SLC5A12: variants seen among roughly 807,000 people sequenced by gnomAD.
SLC5A12 encodes the protein solute carrier family 5 member 12, also known as sodium-coupled monocarboxylate transporter 2.
SLC5A12 carries 46 observed loss-of-function variants against 72.7 expected under a neutral mutation model. That is an observed-to-expected ratio of 0.63 (90% CI 0.50 to 0.81). The LOEUF is 0.81. Among genes scored for constraint, SLC5A12 ranks in the 30% least tolerant of loss-of-function variants. The probability of loss-of-function intolerance (pLI) is 0.00; values close to 1 mark genes in which losing one functional copy is unlikely to be tolerated. For synonymous variants in SLC5A12, 275 were observed against 264.4 expected, an observed-to-expected ratio of 1.04 and a Z score of -0.39; for missense variants, 683 against 740.7, an observed-to-expected ratio of 0.92 and a Z score of 0.90.
Position 26,671,066 on chromosome 11 carries a change from T to TG in SLC5A12, c.*35_*36insC. ...TGGAGTTTGTGTGTGTGTGTGTGTA[T>TG]TGCACGTGTGTGTGTGCATTCATAC... On this transcript the variant is annotated 3_prime_UTR_variant, in exon 15 of 15. Transcript: ENST00000396005. The TG allele has an allele frequency of 6.4e-7, 1 of 1,561,590 alleles. No homozygotes were observed. The highest frequency in any genetic ancestry group is 2.3e-5 in the East Asian group (1 of 43,720).
intron 14 of SLC5A12, among the ~76,000 whole-genome samples, chr11:26,673,092 A>G (rs1002591723): frequency 1.3e-5 from 2 of 152,100 alleles, no homozygotes; most frequent in Non-Finnish European, 2.9e-5. Flanking sequence ...ATGTGTCTTC[A>G]ATTTGTTCCT....
intron 7 of SLC5A12, among the ~76,000 whole-genome samples, chr11:26,697,549 G>A (rs952626004): frequency 6.6e-6 from 1 of 152,126 alleles, no homozygotes. Flanking sequence ...TGGCAGAGGA[G>A]CCCCTCTTTG....
At position 26,705,978 on chromosome 11, in the gene SLC5A12, A is replaced by ACACT. The variant is rs1491233670; in HGVS notation, c.526-2032_526-2031insAGTG. On this transcript the variant is annotated intron_variant, in intron 4 of 14. Transcript: ENST00000396005. Reference sequence around the variant, plus strand: ...CACACACACACACACACACACACACACTTACCTTCTTTAATACTGAGGGTA... The same window carrying ACACT: ...CACACACACACACACACACACACACACACTCTTACCTTCTTTAATACTGAGGGTA... Among the ~76,000 whole-genome samples, 82 of 138,178 alleles carry ACACT rather than the reference A, an allele frequency of 5.9e-4. 1 individual carries two copies. The highest frequency in any genetic ancestry group is 1.2e-3 in the Non-Finnish European group (74 of 63,536). 90.7% of individuals were successfully genotyped at this position (138,178 alleles called of 152,430 possible).
rs1854128245 is a variant in SLC5A12 at position 26,671,063 on chromosome 11, G to GTGTGTGTGTGTGTA, written c.*38_*39insTACACACACACACA. 3 of 1,548,536 alleles carry GTGTGTGTGTGTGTA rather than the reference G, an allele frequency of 1.9e-6. No homozygotes were observed. The highest frequency in any genetic ancestry group is 1.8e-5 in the Admixed American group (1 of 56,006). On this transcript the variant is annotated 3_prime_UTR_variant, in exon 15 of 15. Coordinates refer to ENST00000396005, the MANE Select transcript of SLC5A12 (RefSeq NM_178498.4). ...ATGTGGAGTTTGTGTGTGTGTGTGT[G>GTGTGTGTGTGTGTA]TATTGCACGTGTGTGTGTGCATTCA...
At chr11:26,712,170 G>C (rs111781126) in intron 2 of SLC5A12, among the ~76,000 whole-genome samples, 3 of 152,010 alleles carry the variant, frequency 2.0e-5, no homozygotes, top group South Asian at 2.1e-4. Context: ...CAAAGCTGGG[G>C]GGGTGGGAAA....
chr11:26,698,396 A>T lies in SLC5A12; in HGVS notation c.951+10T>A, dbSNP rs941461907. 5.6e-6 allele frequency: 9 copies of T among 1,612,568 alleles called. No homozygotes were observed. The highest frequency in any genetic ancestry group is 7.6e-6 in the Non-Finnish European group (9 of 1,179,480). ...CAGACACTCGCCACTGTCCTCAAGA[A>T]AACCCATACCTGGTCTGGTGCTGAG... On this transcript the variant is annotated intron_variant, in intron 7 of 14. Transcript: ENST00000396005.
intron 11 of SLC5A12, 89 bp from the exon 12 acceptor site, chr11:26,681,310 T>C: frequency 1.8e-6 from 2 of 1,132,588 alleles, no homozygotes; most frequent in South Asian, 2.3e-5. Flanking sequence ...GCCTTAGAGA[T>C]TCTGGCTTTC....
chr11:26,711,350 G>A lies in SLC5A12; in HGVS notation c.414C>T (p.Tyr138=). The change falls in exon 3 of 15, where the codon TAC becomes TAT. Residue 138 remains tyrosine (Y), a synonymous_variant. Transcript: ENST00000396005. Reference sequence around the variant, plus strand: ...CAGGAGCATACACCACCACTCCTGTGTAGAGAATCTGGTAGAGAAACAAGA... The same window carrying A: ...CAGGAGCATACACCACCACTCCTGTATAGAGAATCTGGTAGAGAAACAAGA... ...TVIYIVQTIL[Y]TGVVVYAPAL... 6.2e-7 allele frequency: 1 copy of A among 1,611,466 alleles called. No homozygotes were observed. Among genetic ancestry groups the A allele is most frequent in the Non-Finnish European group, 8.5e-7 (1 of 1,178,304 alleles).
At chr11:26,685,949 G>T (rs1206387640) in intron 10 of SLC5A12, among the ~76,000 whole-genome samples, 1 of 152,142 alleles carries the variant, frequency 6.6e-6, no homozygotes, top group Admixed American at 6.5e-5. Context: ...AGATATCCCA[G>T]TTCTACCACT....
intron 8 of SLC5A12, among the ~76,000 whole-genome samples, chr11:26,695,813 T>G (rs1199003352): frequency 6.6e-6 from 1 of 152,174 alleles, no homozygotes; most frequent in Non-Finnish European, 1.5e-5. Context: ...CTTGTTGTGA[T>G]CTGATCCTTG....
chr11:26,699,667 T>C (rs1854912184), intron 6 of SLC5A12, among the ~76,000 whole-genome samples: 1 of 152,194 alleles, frequency 6.6e-6, no homozygotes, highest in African/African-American at 2.4e-5. Flanking sequence ...ACTCTTGCTG[T>C]CTCCAACCTT....
At chr11:26,715,363 G>A (rs967010257) in intron 1 of SLC5A12, among the ~76,000 whole-genome samples, 2 of 152,080 alleles carry the variant, frequency 1.3e-5, no homozygotes, top group Non-Finnish European at 2.9e-5. Flanking sequence ...GTTATCATTG[G>A]CACTCAGCCA....
chr11:26,691,450 G>A (rs1386668863), intron 9 of SLC5A12, among the ~76,000 whole-genome samples: 1 of 146,168 alleles, frequency 6.8e-6, no homozygotes, highest in Non-Finnish European at 1.5e-5. Context: ...TGCAGTCGAA[G>A]GTTTATGTAC....
chr11:26,714,155 C>A lies in SLC5A12; in HGVS notation c.340-1449G>T, dbSNP rs112907196. Among the ~76,000 whole-genome samples the A allele has an allele frequency of 1.4e-3, 215 of 151,980 alleles. 2 individuals carry two copies. Among genetic ancestry groups the A allele is most frequent in the African/African-American group, 4.9e-3 (202 of 41,516 alleles). On this transcript the variant is annotated intron_variant, in intron 1 of 14. Coordinates refer to ENST00000396005, the MANE Select transcript of SLC5A12 (RefSeq NM_178498.4). ...CATTTACAGCTCTCAGGGATTACAC[C>A]TGGATATATACTGGGGAAGGTATGC...
chr11:26,670,014 CATTT>C lies in SLC5A12; in HGVS notation c.*1084_*1087del, dbSNP rs1854101720. 1 of 152,102 alleles carries C rather than the reference CATTT, an allele frequency of 6.6e-6. No homozygotes were observed. The allele number at this position is 152,102 out of a possible 1,614,324, so 9.4% of individuals were successfully genotyped here. ...TTCCAAAAATCTTTCACTGCTCCTTCATTTGTCAACTCGCCTTTTAATCTGCAAT... is the reference window on the plus strand; with the variant it reads ...TTCCAAAAATCTTTCACTGCTCCTTCGTCAACTCGCCTTTTAATCTGCAAT... On this transcript the variant is annotated 3_prime_UTR_variant, in exon 15 of 15. Transcript: ENST00000396005.
Position 26,721,875 on chromosome 11 carries a change from CA to C in SLC5A12, c.-162del. 2 of 661,226 alleles carry C rather than the reference CA, an allele frequency of 3.0e-6. No individual in the cohort carries two copies. The highest frequency in any genetic ancestry group is 3.8e-5 in the South Asian group (2 of 52,594). The allele number at this position is 661,226 out of a possible 1,614,324, so 41.0% of individuals were successfully genotyped here. Reference sequence around the variant, plus strand: ...GGCACTCGTGTGAATCTTCAGACACCAACGTGTACTTAGTGAAGATCTCAAA... The same window carrying C: ...GGCACTCGTGTGAATCTTCAGACACCACGTGTACTTAGTGAAGATCTCAAA... On this transcript the variant is annotated 5_prime_UTR_variant, in exon 1 of 15. Transcript: ENST00000396005.
chr11:26,699,785 T>C (rs527252282), intron 6 of SLC5A12, among the ~76,000 whole-genome samples: 3 of 152,342 alleles, frequency 2.0e-5, no homozygotes, highest in Admixed American at 6.5e-5. Flanking sequence ...CTACTCCTTA[T>C]AATTATTTAT....
upstream of SLC5A12, among the ~76,000 whole-genome samples, chr11:26,722,537 G>A (rs976140147): frequency 5.3e-5 from 8 of 152,058 alleles, no homozygotes; most frequent in Non-Finnish European, 1.0e-4. Context: ...AGAGCACTCT[G>A]GAACATCATA....
At chr11:26,689,781 C>G (rs1053502070) in intron 9 of SLC5A12, among the ~76,000 whole-genome samples, 21 of 151,770 alleles carry the variant, frequency 1.4e-4, no homozygotes, top group Admixed American at 1.2e-3. Flanking sequence ...TTAAATGTAT[C>G]AAAAATATGA....
Sources: allele counts gnomAD v4.1 joint callset (sites outside exome capture counted in the v4.1 genomes callset), GRCh38; gene constraint gnomAD v4.1.1; transcripts MANE v1.5; gene names NCBI Gene and HGNC (gene_info 2026-07-23, HGNC 2026-07-21).